The following TMEM182 variants were observed in gnomAD, a reference collection of about 807,000 sequenced individuals.
The protein encoded by TMEM182 is transmembrane protein 182.
Under a neutral mutation model 26.8 loss-of-function variants are expected in TMEM182, and 20 were observed. The ratio of observed to expected loss-of-function variants is 0.75; its 90% confidence interval spans 0.53 to 1.09. The LOEUF is 1.09. Among genes scored for constraint, TMEM182 ranks in the 50% least tolerant of loss-of-function variants. The pLI, the probability that TMEM182 is intolerant of heterozygous loss-of-function variation, is 0.00. For missense variants in TMEM182, 277 were observed against 275.5 expected (o/e 1.01, Z -0.04); for synonymous variants, 109 against 102.2 (o/e 1.07, Z -0.40).
intron 1 of TMEM182, among the ~76,000 whole-genome samples, chr2:102,746,478 T>G (rs746531797): frequency 1.3e-5 from 2 of 152,238 alleles, no homozygotes; most frequent in Non-Finnish European, 2.9e-5. Context: ...ATGCTTTTGC[T>G]GTGATATCTA....
In TMEM182 at chr2:102,751,999, C is replaced by T. The variant is rs546012031; in HGVS notation, c.-82-6390C>T. 5.9e-5 allele frequency among the ~76,000 whole-genome samples: 9 copies of T among 152,288 alleles called. No homozygotes were observed. In the East Asian group the frequency reaches 1.7e-3, roughly 29 times the overall value. ...TATGAGGATACTAGTCTTGCCAGAT[C>T]AGAGCCCACCCTTTTGATCTCATTT... is the stretch of plus-strand genomic sequence containing the variant. On this transcript the variant is annotated intron_variant, in intron 1 of 5. Transcript: ENST00000409173.
At chr2:102,794,769 T>G (rs1276182336) in intron 3 of TMEM182, among the ~76,000 whole-genome samples, 1 of 152,220 alleles carries the variant, frequency 6.6e-6, no homozygotes, top group Non-Finnish European at 1.5e-5. Flanking sequence ...TTATGTGTCT[T>G]GACTAATTTA....
intron 1 of TMEM182, among the ~76,000 whole-genome samples, chr2:102,753,812 T>C (rs146797999): frequency 2.7e-4 from 41 of 152,354 alleles, no homozygotes; most frequent in African/African-American, 8.2e-4. Flanking sequence ...GAATTTTTAC[T>C]GAGCACCTAC....
intron 3 of TMEM182, among the ~76,000 whole-genome samples, chr2:102,839,875 T>C (rs774555045): frequency 3.5e-4 from 54 of 152,222 alleles, no homozygotes; most frequent in South Asian, 2.1e-4. Flanking sequence ...GGATCCCTGA[T>C]TGATTTTCTG....
At chr2:102,795,789 C>A (rs1381728329) in intron 3 of TMEM182, among the ~76,000 whole-genome samples, 2 of 152,174 alleles carry the variant, frequency 1.3e-5, no homozygotes, top group East Asian at 3.9e-4. Flanking sequence ...ACTCTTTTTC[C>A]CAGTTTCTCT....
intron 3 of TMEM182, among the ~76,000 whole-genome samples, chr2:102,833,423 T>A (rs1683185861): frequency 6.6e-6 from 1 of 152,152 alleles, no homozygotes; most frequent in African/African-American, 2.4e-5. Flanking sequence ...ATCGTGCTTA[T>A]TTTTTAAACT....
intron 3 of TMEM182, chr2:102,834,431 G>A: frequency 2.0e-6 from 2 of 985,328 alleles, no homozygotes; most frequent in South Asian, 4.7e-5. Flanking sequence ...TGGGGGGATG[G>A]AAGTGAAGTG....
At chr2:102,812,951 ATAT>A (rs903517024) in intron 4 of TMEM182, among the ~76,000 whole-genome samples, 2 of 152,206 alleles carry the variant, frequency 1.3e-5, no homozygotes, top group African/African-American at 4.8e-5. Context: ...TGGAATTGCC[ATAT>A]TGTTGTCAAA....
upstream of TMEM182, chr2:102,757,321 A>G (rs1461384671): frequency 6.6e-6 from 1 of 152,134 alleles, no homozygotes; most frequent in Admixed American, 6.5e-5. Context: ...GGAAATTAAC[A>G]TTGTCGTTAC....
At chr2:102,805,303 C>G (rs974471434) in intron 4 of TMEM182, among the ~76,000 whole-genome samples, 3 of 152,120 alleles carry the variant, frequency 2.0e-5, no homozygotes, top group African/African-American at 7.2e-5. Flanking sequence ...AAAGCCTGCT[C>G]CTTGAGTCTG....
At chr2:102,830,646 A>G (rs1683132578) in intron 3 of TMEM182, among the ~76,000 whole-genome samples, 1 of 152,240 alleles carries the variant, frequency 6.6e-6, no homozygotes, top group African/African-American at 2.4e-5. Flanking sequence ...CATATCATGG[A>G]GAATGGGGTG....
At chr2:102,769,320 T>C (rs1190076702) in intron 3 of TMEM182, among the ~76,000 whole-genome samples, 1 of 152,112 alleles carries the variant, frequency 6.6e-6, no homozygotes, top group Admixed American at 6.5e-5. Context: ...ATAATTGATA[T>C]GTGAGGAGTT....
intron 4 of TMEM182, among the ~76,000 whole-genome samples, chr2:102,804,496 T>A (rs963650689): frequency 4.6e-5 from 7 of 152,252 alleles, no homozygotes; most frequent in African/African-American, 1.4e-4. Flanking sequence ...TCATTCTTTT[T>A]AATGGCTGAG....
At chr2:102,783,606 G>A (rs892477411) in intron 3 of TMEM182, among the ~76,000 whole-genome samples, 9 of 152,176 alleles carry the variant, frequency 5.9e-5, no homozygotes, top group Admixed American at 5.9e-4. Context: ...ACTGCACTCA[G>A]TGAATGCTGA....
upstream of TMEM182, among the ~76,000 whole-genome samples, chr2:102,760,111 ACTT>A (rs56998293): frequency 0.24 from 36,332 of 152,022 alleles, 4,383 homozygotes; most frequent in South Asian, 0.28. Context: ...ACTATGTCTC[ACTT>A]CAATCAAGCA....
chr2:102,740,378 T>C (rs983247217), intron 1 of TMEM182, among the ~76,000 whole-genome samples: 1 of 152,268 alleles, frequency 6.6e-6, no homozygotes, highest in African/African-American at 2.4e-5. Context: ...CTGATGGTTT[T>C]ATAAGGGGCT....
rs555685184 is a variant in TMEM182 at position 102,753,571 on chromosome 2, A to G, written c.-82-4818A>G. ...AAAAAAATTGAGATGGGGTCTTGCT[A>G]TGTTGCCCAGGCTGGTCTAGAACTC... On this transcript the variant is annotated intron_variant, in intron 1 of 5. Transcript: ENST00000409173. Among the ~76,000 whole-genome samples the G allele has an allele frequency of 6.6e-5, 10 of 152,186 alleles. No homozygotes were observed. In the South Asian group the frequency reaches 1.9e-3, roughly 28 times the overall value.
intron 3 of TMEM182, among the ~76,000 whole-genome samples, chr2:102,792,160 T>G (rs1475953875): frequency 6.6e-6 from 1 of 151,346 alleles, no homozygotes; most frequent in East Asian, 1.9e-4. Context: ...TATATATATA[T>G]AAATAATTTA....
At chr2:102,756,877 G>A (rs1680055018) in intron 1 of TMEM182, among the ~76,000 whole-genome samples, 1 of 151,790 alleles carries the variant, frequency 6.6e-6, no homozygotes, top group African/African-American at 2.4e-5. Flanking sequence ...GCAGTGGCAT[G>A]ATCTTAGCTC....
Sources: gnomAD v4.1 joint callset for allele counts (sites outside exome capture counted in the v4.1 genomes callset) on GRCh38, gnomAD v4.1.1 for gene constraint, MANE v1.5 for transcripts, NCBI Gene and HGNC (gene_info 2026-07-23, HGNC 2026-07-21) for gene names.